PCDHGA10: variants seen among roughly 807,000 people sequenced by gnomAD.
PCDHGA10 encodes protocadherin gamma-A10.
PCDHGA10 carries 42 observed loss-of-function variants against 59.5 expected under a neutral mutation model. The observed-to-expected ratio is 0.71, with a 90% CI of 0.55 to 0.91. The LOEUF is 0.91. PCDHGA10 is among the 40% of genes least tolerant of loss of function. The probability of loss-of-function intolerance (pLI) is 0.00; values close to 1 mark genes in which losing one functional copy is unlikely to be tolerated. For missense variants in PCDHGA10, 1,111 were observed against 1,198.2 expected (o/e 0.93, Z 1.07); for synonymous variants, 511 against 517.2 (o/e 0.99, Z 0.16).
At chr5:141,434,785 T>A (rs7727021) in intron 1 of PCDHGA10, among the ~76,000 whole-genome samples, 45,585 of 150,884 alleles carry the variant, frequency 0.3, 8,100 homozygotes, top group African/African-American at 0.51. Context: ...AAAAAAAAAA[T>A]TTTTTTTTCT....
At position 141,421,041 on chromosome 5, in the gene PCDHGA10, C is replaced by T. The variant is rs963777669; in HGVS notation, c.2436+5430C>T. The T allele has an allele frequency of 1.8e-5, 10 of 546,514 alleles. No individual in the cohort carries two copies. The African/African-American group carries it at 1.9e-4, about 11-fold the overall frequency. 33.9% of individuals were successfully genotyped at this position (546,514 alleles called of 1,614,324 possible). A position where few individuals can be genotyped will look rare whatever the true frequency, so the allele number is the denominator to read the frequency against. ...CTGCGCGCCATTGAGTCCCTCCCTC[C>T]CCCGCCTCTACCACACAAAGCGGAA... On this transcript the variant is annotated intron_variant, in intron 1 of 3. Coordinates refer to ENST00000398610, the MANE Select transcript of PCDHGA10 (RefSeq NM_018913.3).
intron 1 of PCDHGA10, among the ~76,000 whole-genome samples, chr5:141,450,093 G>A (rs1330425383): frequency 2.8e-5 from 4 of 143,748 alleles, no homozygotes; most frequent in East Asian, 2.1e-4. Context: ...TGCAACCTCC[G>A]CCTCCCAGGT....
At position 141,477,886 on chromosome 5, in the gene PCDHGA10, G is replaced by A. The variant is rs2099422999; in HGVS notation, c.2437-16921G>A. 2 of 1,614,188 alleles carry A rather than the reference G, an allele frequency of 1.2e-6. No homozygotes were observed. The highest frequency in any genetic ancestry group is 1.7e-6 in the Non-Finnish European group (2 of 1,180,040). ...GAGGTACCTCAGCTGGCCACCTAGT[G>A]TCACGGGTGGTAGGCTGGGACGCGG... On this transcript the variant is annotated intron_variant, in intron 1 of 3. Transcript: ENST00000398610. The surrounding 1 kb of genome is among the most constrained non-coding windows in gnomAD (Gnocchi z 4.9).
Position 141,494,815 on chromosome 5 carries a change from G to C in PCDHGA10, c.2445G>C (p.Pro815=). 6.2e-7 allele frequency: 1 copy of C among 1,613,976 alleles called. No individual in the cohort carries two copies. The highest frequency in any genetic ancestry group is 8.5e-7 in the Non-Finnish European group (1 of 1,179,982). Residue 815 remains proline, a synonymous_variant, in exon 2 of 4, where the codon CCG becomes CCC. Transcript: ENST00000398610. Reference sequence around the variant, plus strand: ...CTCTGTTTTCTCCACAGCAAGCCCCGCCCAACACGGACTGGCGTTTCTCTC... The same window carrying C: ...CTCTGTTTTCTCCACAGCAAGCCCCCCCCAACACGGACTGGCGTTTCTCTC... ...IEDTPLVPQA[P]PNTDWRFSQA...
intron 1 of PCDHGA10, chr5:141,422,076 G>C (rs2096622180): frequency 1.2e-6 from 2 of 1,612,270 alleles, no homozygotes; most frequent in South Asian, 1.1e-5. Flanking sequence ...ATTCATTTCG[G>C]AACATGGAAA....
intron 1 of PCDHGA10, among the ~76,000 whole-genome samples, chr5:141,426,006 G>C (rs1013613474): frequency 2.0e-5 from 3 of 152,104 alleles, no homozygotes; most frequent in African/African-American, 7.2e-5. Flanking sequence ...AAGGCTTCCG[G>C]CTGCAGTTTT....
At position 141,459,173 on chromosome 5, in the gene PCDHGA10, AG is replaced by A. The variant is rs370401072; in HGVS notation, c.2437-35633del. Among the ~76,000 whole-genome samples the A allele has an allele frequency of 3.1e-3, 479 of 152,326 alleles. 10 individuals carry two copies. In the South Asian group the frequency reaches 0.063, roughly 20 times the overall value. ...ATAGAACATTTCTATAACCTTCAAA[AG>A]TTCCCTCATGCCCCTTTGCAATCAA... On this transcript the variant is annotated intron_variant, in intron 1 of 3. Coordinates refer to ENST00000398610, the MANE Select transcript of PCDHGA10 (RefSeq NM_018913.3).
intron 1 of PCDHGA10, among the ~76,000 whole-genome samples, chr5:141,467,590 A>T (rs2099146863): frequency 6.6e-6 from 1 of 152,214 alleles, no homozygotes; most frequent in African/African-American, 2.4e-5. Context: ...AATGCCATTT[A>T]TTAAGCACTT....
Position 141,489,527 on chromosome 5 carries a change from G to A in PCDHGA10, c.2437-5280G>A. On this transcript the variant is annotated intron_variant, in intron 1 of 3. Coordinates refer to ENST00000398610, the MANE Select transcript of PCDHGA10 (RefSeq NM_018913.3). The surrounding 1 kb of genome is among the most constrained non-coding windows in gnomAD (Gnocchi z 4.5). The stretch of plus-strand genomic sequence containing the variant: ...CAAAAGATTGACCGAGAAAGCCTAT[G>A]TGGAGCCAGCACCAGCTGCCTGCTG... The A allele has an allele frequency of 1.9e-6, 3 of 1,614,152 alleles. No individual in the cohort carries two copies. Among genetic ancestry groups the A allele is most frequent in the East Asian group, 2.2e-5 (1 of 44,874 alleles).
chr5:141,488,714 A>G (rs2099678684), intron 1 of PCDHGA10, among the ~76,000 whole-genome samples: 1 of 152,192 alleles, frequency 6.6e-6, no homozygotes, highest in Non-Finnish European at 1.5e-5. Flanking sequence ...TGGTTCAAGC[A>G]AAGTGGTGGA....
chr5:141,432,589 G>T lies in PCDHGA10; in HGVS notation c.2436+16978G>T. ...CCTGGCTGTCCTACCGTCTGCTCAA[G>T]GCCAGCGAGCCGGGACTCTTCTCGG... On this transcript the variant is annotated intron_variant, in intron 1 of 3. Transcript: ENST00000398610. The surrounding 1 kb of genome is among the most constrained non-coding windows in gnomAD (Gnocchi z 6.0). 1 of 1,613,916 alleles carries T rather than the reference G, an allele frequency of 6.2e-7. No individual in the cohort carries two copies. Among genetic ancestry groups the T allele is most frequent in the Non-Finnish European group, 8.5e-7 (1 of 1,179,974 alleles).
At chr5:141,425,248 G>GGCTGGGAAA (rs2096864506) in intron 1 of PCDHGA10, among the ~76,000 whole-genome samples, 1 of 152,178 alleles carries the variant, frequency 6.6e-6, no homozygotes, top group Non-Finnish European at 1.5e-5. Context: ...AAAAGGATAT[G>GGCTGGGAAA]AGGTATTTGG....
chr5:141,426,711 G>C, intron 1 of PCDHGA10: 1 of 444,496 alleles, frequency 2.2e-6, no homozygotes, highest in Non-Finnish European at 4.6e-6. Flanking sequence ...ACAAATCAAT[G>C]AACTAGCAAT....
Position 141,487,256 on chromosome 5 carries a change from G to T in PCDHGA10, c.2437-7551G>T. On this transcript the variant is annotated intron_variant, in intron 1 of 3. Coordinates refer to ENST00000398610, the MANE Select transcript of PCDHGA10 (RefSeq NM_018913.3). This position sits in a 1 kb window ranked among gnomAD's most constrained non-coding sequence, Gnocchi z 5.0. Reference sequence around the variant, plus strand: ...ATCTCGTCTAACCCTCTACTTGGCTGTGTCCCTAGTGGCAATTTGCTTTGT... The same window carrying T: ...ATCTCGTCTAACCCTCTACTTGGCTTTGTCCCTAGTGGCAATTTGCTTTGT... The T allele has an allele frequency of 2.5e-6, 4 of 1,614,166 alleles. No homozygotes were observed. Among genetic ancestry groups the T allele is most frequent in the Non-Finnish European group, 2.5e-6 (3 of 1,180,032 alleles).
Position 141,434,824 on chromosome 5 carries a change from A to C in PCDHGA10, c.2436+19213A>C, listed in dbSNP as rs143305842. ...CTTGGAGAAATATATCCCTTAGTACACTTGGCATTTATAAAGCAGACATCA... is the reference window on the plus strand; with the variant it reads ...CTTGGAGAAATATATCCCTTAGTACCCTTGGCATTTATAAAGCAGACATCA... On this transcript the variant is annotated intron_variant, in intron 1 of 3. Coordinates refer to ENST00000398610, the MANE Select transcript of PCDHGA10 (RefSeq NM_018913.3). 7.9e-4 allele frequency among the ~76,000 whole-genome samples: 120 copies of C among 152,004 alleles called. 2 individuals are homozygous for C. The highest frequency in any genetic ancestry group is 2.8e-3 in the African/African-American group (115 of 41,454).
chr5:141,487,608 G>A lies in PCDHGA10; in HGVS notation c.2437-7199G>A, dbSNP rs970411391. On this transcript the variant is annotated intron_variant, in intron 1 of 3. Coordinates refer to ENST00000398610, the MANE Select transcript of PCDHGA10 (RefSeq NM_018913.3). The surrounding 1 kb of genome is among the most constrained non-coding windows in gnomAD (Gnocchi z 5.0). ...TGCCCACCCTCTGATCTTCTCTATG[G>A]GCTAGAGGTGAGACCTTTGCAGGCT... 1 of 1,614,182 alleles carries A rather than the reference G, an allele frequency of 6.2e-7. No individual in the cohort carries two copies. Among genetic ancestry groups the A allele is most frequent in the African/African-American group, 1.3e-5 (1 of 75,050 alleles).
At position 141,489,924 on chromosome 5, in the gene PCDHGA10, C is replaced by G. The variant is rs755286650; in HGVS notation, c.2437-4883C>G. ...CAGCCCGCTCAGGGACCACCCTTAT[C>G]TCTGTCATCGTGCTGGACATCAATG... is the stretch of plus-strand genomic sequence containing the variant. On this transcript the variant is annotated intron_variant, in intron 1 of 3. Transcript: ENST00000398610. This position sits in a 1 kb window ranked among gnomAD's most constrained non-coding sequence, Gnocchi z 4.5. 22 of 1,614,226 alleles carry G rather than the reference C, an allele frequency of 1.4e-5. No homozygotes were observed. The highest frequency in any genetic ancestry group is 1.9e-5 in the Non-Finnish European group (22 of 1,180,030).
chr5:141,476,078 C>G lies in PCDHGA10; in HGVS notation c.2437-18729C>G. On this transcript the variant is annotated intron_variant, in intron 1 of 3. Transcript: ENST00000398610. The surrounding 1 kb of genome is among the most constrained non-coding windows in gnomAD (Gnocchi z 7.6). ...AAGTTTCTCAGCGAAATCTCAGGGA[C>G]GATCTGGACCCCGCTGAGAGGAACT... is the stretch of plus-strand genomic sequence containing the variant. 1 of 1,528,034 alleles carries G rather than the reference C, an allele frequency of 6.5e-7. No homozygotes were observed. 94.7% of individuals were successfully genotyped at this position (1,528,034 alleles called of 1,614,324 possible).
At chr5:141,422,111 T>A (rs763658255) in intron 1 of PCDHGA10, 1 of 1,606,408 alleles carries the variant, frequency 6.2e-7, no homozygotes, top group Admixed American at 1.7e-5. Context: ...ATATTCCAAT[T>A]GGATTCACAA....
Sources: allele counts gnomAD v4.1 joint callset (sites outside exome capture counted in the v4.1 genomes callset), GRCh38; gene constraint gnomAD v4.1.1; non-coding constraint Gnocchi (gnomAD v3.1); transcripts MANE v1.5; gene names NCBI Gene and HGNC (gene_info 2026-07-23, HGNC 2026-07-21).